The following COL4A3 variants were observed in gnomAD, a reference collection of about 807,000 sequenced individuals.
COL4A3 encodes collagen type IV alpha 3 chain.
COL4A3 carries 135 observed loss-of-function variants against 217.4 expected under a neutral mutation model. That is an observed-to-expected ratio of 0.62 (90% CI 0.54 to 0.72). COL4A3 has a LOEUF of 0.72. Ranked by LOEUF, COL4A3 falls within the 30% of genes least tolerant of loss-of-function variation. The probability of loss-of-function intolerance (pLI) is 0.00; values close to 1 mark genes in which losing one functional copy is unlikely to be tolerated. For synonymous variants in COL4A3, 690 were observed against 736.3 expected, an observed-to-expected ratio of 0.94 and a Z score of 1.02; for missense variants, 1,868 against 2,119.9, an observed-to-expected ratio of 0.88 and a Z score of 2.33.
chr2:227,301,729 G>T (rs997828696), intron 43 of COL4A3: 1 of 152,232 alleles, frequency 6.6e-6, no homozygotes, highest in South Asian at 2.1e-4. Context: ...CTGGCCTGGG[G>T]CCTTTAACAG....
chr2:227,241,595 G>C (rs1290815147), intron 3 of COL4A3, among the ~76,000 whole-genome samples: 2 of 152,058 alleles, frequency 1.3e-5, no homozygotes, highest in African/African-American at 4.8e-5. Context: ...GATTGCTTGA[G>C]CCCTGGAGGC....
At chr2:227,231,254 A>G (rs146296804) in intron 1 of COL4A3, among the ~76,000 whole-genome samples, 1,852 of 152,308 alleles carry the variant, frequency 0.012, 24 homozygotes, top group African/African-American at 0.042. Flanking sequence ...TGACTGCTGG[A>G]TGGACCAGAA....
intron 9 of COL4A3, among the ~76,000 whole-genome samples, chr2:227,249,213 T>C (rs754966747): frequency 1.4e-4 from 4 of 28,558 alleles, no homozygotes; most frequent in African/African-American, 2.3e-4. Context: ...AATTAGCTAG[T>C]ATATATATAT....
chr2:227,166,779 G>A (rs2065293288), intron 1 of COL4A3, among the ~76,000 whole-genome samples: 2 of 152,170 alleles, frequency 1.3e-5, no homozygotes, highest in African/African-American at 4.8e-5. Context: ...TCATCTTGTA[G>A]AAAAAGGAAT....
intron 1 of COL4A3, among the ~76,000 whole-genome samples, chr2:227,211,970 C>A (rs2067341632): frequency 6.6e-6 from 1 of 152,032 alleles, no homozygotes; most frequent in Admixed American, 6.6e-5. Flanking sequence ...CCCGGCCAGA[C>A]TTGATTTTTG....
chr2:227,297,553 G>T, intron 41 of COL4A3, 121 bp from the exon 42 acceptor site: 1 of 845,412 alleles, frequency 1.2e-6, no homozygotes, highest in Non-Finnish European at 1.8e-6. Flanking sequence ...ATATATTTTA[G>T]AAACATATAT....
chr2:227,184,841 A>T (rs137900694), intron 1 of COL4A3, among the ~76,000 whole-genome samples: 19 of 149,290 alleles, frequency 1.3e-4, no homozygotes, highest in African/African-American at 4.7e-4. Flanking sequence ...ATTCTCTCTA[A>T]ACTTGTGTAT....
At chr2:227,173,342 GT>G (rs2065558972) in intron 1 of COL4A3, among the ~76,000 whole-genome samples, 1 of 152,052 alleles carries the variant, frequency 6.6e-6, no homozygotes, top group African/African-American at 2.4e-5. Context: ...TCACTTTATG[GT>G]GACGAAATAA....
At chr2:227,276,791 A>C (rs931650989) in intron 27 of COL4A3, among the ~76,000 whole-genome samples, 1 of 152,262 alleles carries the variant, frequency 6.6e-6, no homozygotes, top group African/African-American at 2.4e-5. Flanking sequence ...ATGTTTGCCC[A>C]CTGGCAATTC....
At chr2:227,303,279 T>C (rs762982771) in intron 44 of COL4A3, among the ~76,000 whole-genome samples, 169 bp downstream of exon 44, 2 of 152,186 alleles carry the variant, frequency 1.3e-5, no homozygotes. Context: ...TTCTTTGAAA[T>C]AGAGTATTTC....
chr2:227,197,620 G>A (rs141749085), intron 1 of COL4A3, among the ~76,000 whole-genome samples: 3 of 152,242 alleles, frequency 2.0e-5, no homozygotes, highest in East Asian at 1.9e-4. Flanking sequence ...CCATGTTTAT[G>A]TCAAAAGAGA....
intron 1 of COL4A3, among the ~76,000 whole-genome samples, chr2:227,195,667 A>ATGTGTGTGTGTG (rs34242264): frequency 3.4e-4 from 48 of 139,972 alleles, no homozygotes; most frequent in East Asian, 1.0e-3. Flanking sequence ...ATATATATAT[A>ATGTGTGTGTGTG]TGTGTGTGTG....
At chr2:227,258,185 T>C (rs1328050858) in intron 18 of COL4A3, among the ~76,000 whole-genome samples, 1 of 152,200 alleles carries the variant, frequency 6.6e-6, no homozygotes, top group Non-Finnish European at 1.5e-5. Flanking sequence ...GGACTCTGAG[T>C]GCTGGTGTCC....
rs2070258935 is a variant in COL4A3, at chr2:227,257,483, T to A, written c.988-120T>A. On this transcript the variant is annotated intron_variant, in intron 17 of 51. Transcript: ENST00000396578. ...AAGTCAGTGTCTCTTTAACTTTAAT[T>A]TGGTTTGTACATGACATCTACATAT... 3.6e-6 allele frequency: 3 copies of A among 826,330 alleles called. No individual in the cohort carries two copies. In the African/African-American group the frequency reaches 5.1e-5, roughly 14 times the overall value. 51.2% of individuals were successfully genotyped at this position (826,330 alleles called of 1,614,324 possible). A position where few individuals can be genotyped will look rare whatever the true frequency, so the allele number is the denominator to read the frequency against.
chr2:227,282,310 T>G lies in COL4A3; in HGVS notation c.2489-55T>G. ...TATATATATATATATATTTCTGAAG[T>G]TAGTAGGGGAAAGCATTTGTGGGTT... On this transcript the variant is annotated intron_variant, in intron 31 of 51. Transcript: ENST00000396578. This position sits in a 1 kb window ranked among gnomAD's most constrained non-coding sequence, Gnocchi z 4.4. The G allele has an allele frequency of 9.1e-7, 1 of 1,095,432 alleles. No homozygotes were observed. The highest frequency in any genetic ancestry group is 1.4e-6 in the Non-Finnish European group (1 of 737,996). The allele number at this position is 1,095,432 out of a possible 1,614,324, so 67.9% of individuals were successfully genotyped here.
intron 1 of COL4A3, among the ~76,000 whole-genome samples, chr2:227,176,769 A>C (rs913366573): frequency 1.3e-5 from 2 of 152,224 alleles, no homozygotes; most frequent in African/African-American, 4.8e-5. Context: ...GAAGTTGGCA[A>C]ATCTGCAATA....
rs1011387789 is a variant in COL4A3 at position 227,180,497 on chromosome 2, A to G, written c.87+15684A>G. 7.9e-5 allele frequency among the ~76,000 whole-genome samples: 12 copies of G among 152,288 alleles called. 1 individual carries two copies. The South Asian group carries it at 2.3e-3, about 29-fold the overall frequency. On this transcript the variant is annotated intron_variant, in intron 1 of 51. Transcript: ENST00000396578. Reference sequence around the variant, plus strand: ...TGAATGAGCAGCATCCCCACACCCTACAAGGGCAGTCATGCAGGCAAGGAC... The same window carrying G: ...TGAATGAGCAGCATCCCCACACCCTGCAAGGGCAGTCATGCAGGCAAGGAC...
intron 1 of COL4A3, among the ~76,000 whole-genome samples, chr2:227,166,428 CAT>C (rs1017428123): frequency 6.6e-6 from 1 of 152,130 alleles, no homozygotes; most frequent in Admixed American, 6.5e-5. Context: ...AGGGTTTGCA[CAT>C]GTTTCTGAAT....
rs1481594515 is a variant in COL4A3, at chr2:227,289,046, G to A, written c.2882-104G>A. On this transcript the variant is annotated intron_variant, in intron 34 of 51. Coordinates refer to ENST00000396578, the MANE Select transcript of COL4A3 (RefSeq NM_000091.5). ...GCTCACTTCAACCTCTGTCTCCCAG[G>A]TTCAAGTGATTTTCCTGCCTCAGCC... is the stretch of plus-strand genomic sequence containing the variant. The A allele has an allele frequency of 6.2e-6, 5 of 809,360 alleles. No homozygotes were observed. In the Admixed American group the frequency reaches 8.2e-5, roughly 13 times the overall value. 50.1% of individuals were successfully genotyped at this position (809,360 alleles called of 1,614,324 possible).
Sources: gnomAD v4.1 joint callset for allele counts (sites outside exome capture counted in the v4.1 genomes callset) on GRCh38, gnomAD v4.1.1 for gene constraint, Gnocchi (gnomAD v3.1) non-coding constraint, MANE v1.5 for transcripts, NCBI Gene and HGNC (gene_info 2026-07-23, HGNC 2026-07-21) for gene names.